LSAMP: variants seen among roughly 807,000 people sequenced by gnomAD.
The protein encoded by LSAMP is limbic system associated membrane protein, also known as limbic system-associated membrane protein.
Under a neutral mutation model 38.6 loss-of-function variants are expected in LSAMP, and 7 were observed. That is an observed-to-expected ratio of 0.18 (90% CI 0.10 to 0.34). The LOEUF (loss-of-function observed/expected upper bound fraction) is 0.34. Ranked by LOEUF, LSAMP falls within the 10% of genes least tolerant of loss-of-function variation. The probability of loss-of-function intolerance (pLI) is 1.00; values close to 1 mark genes in which losing one functional copy is unlikely to be tolerated. For missense variants in LSAMP, 313 were observed against 420.0 expected (o/e 0.75, Z 2.23); for synonymous variants, 154 against 166.8 (o/e 0.92, Z 0.59).
intron 1 of LSAMP, among the ~76,000 whole-genome samples, chr3:116,161,844 G>A (rs1387885897): frequency 1.3e-5 from 2 of 152,080 alleles, no homozygotes; most frequent in East Asian, 3.9e-4. Flanking sequence ...ATATTCATTG[G>A]ATCTGTGCTG....
chr3:116,427,328 G>T (rs1190365878), intron 1 of LSAMP, among the ~76,000 whole-genome samples: 1 of 151,332 alleles, frequency 6.6e-6, no homozygotes, highest in Non-Finnish European at 1.5e-5. Context: ...CACCTTGTTA[G>T]CCAGGATGGT....
intron 1 of LSAMP, among the ~76,000 whole-genome samples, chr3:116,145,780 A>C (rs1166171914): frequency 6.6e-6 from 1 of 151,878 alleles, no homozygotes; most frequent in Non-Finnish European, 1.5e-5. Context: ...GATTTGCTAC[A>C]TTTTATATGA....
intron 2 of LSAMP, among the ~76,000 whole-genome samples, chr3:116,042,431 C>CTTTTTTTT (rs1013336834): frequency 7.4e-6 from 1 of 134,886 alleles, no homozygotes; most frequent in African/African-American, 2.8e-5. Flanking sequence ...AAGAGCATTT[C>CTTTTTTTT]TTTTTTTTTT....
At chr3:116,057,916 G>A (rs1941517088) in intron 2 of LSAMP, among the ~76,000 whole-genome samples, 1 of 146,418 alleles carries the variant, frequency 6.8e-6, no homozygotes, top group African/African-American at 2.5e-5. Flanking sequence ...CTTGAAGTTT[G>A]GCACTATATA....
At chr3:116,173,051 A>T (rs1710242587) in intron 1 of LSAMP, among the ~76,000 whole-genome samples, 1 of 152,068 alleles carries the variant, frequency 6.6e-6, no homozygotes, top group Non-Finnish European at 1.5e-5. Flanking sequence ...AGATCGACTT[A>T]TTTCAACATA....
intron 1 of LSAMP, among the ~76,000 whole-genome samples, chr3:116,237,841 G>T (rs2046485570): frequency 6.6e-6 from 1 of 152,148 alleles, no homozygotes. Context: ...TTTTAGAATT[G>T]ATGAGGGAAT....
At chr3:115,941,050 T>C (rs1328104544) in intron 3 of LSAMP, among the ~76,000 whole-genome samples, 1 of 152,104 alleles carries the variant, frequency 6.6e-6, no homozygotes, top group Non-Finnish European at 1.5e-5. Flanking sequence ...GGGGTTAATA[T>C]TCAAAATATA....
chr3:116,189,118 T>A (rs1299132548), intron 1 of LSAMP, among the ~76,000 whole-genome samples: 2 of 152,154 alleles, frequency 1.3e-5, no homozygotes, highest in Non-Finnish European at 2.9e-5. Context: ...TAGTTTCAGT[T>A]CATGGTAAGT....
chr3:116,074,882 T>C (rs566335724), intron 2 of LSAMP, among the ~76,000 whole-genome samples: 2 of 151,010 alleles, frequency 1.3e-5, no homozygotes, highest in African/African-American at 2.4e-5. Flanking sequence ...TCACTCTTGT[T>C]GCCCAGGCTG....
At chr3:115,972,364 T>C (rs983273887) in intron 3 of LSAMP, among the ~76,000 whole-genome samples, 1 of 152,054 alleles carries the variant, frequency 6.6e-6, no homozygotes, top group Non-Finnish European at 1.5e-5. Flanking sequence ...CTAAAAAGCA[T>C]GGATTTTACC....
At chr3:116,192,414 C>T (rs1173196732) in intron 1 of LSAMP, among the ~76,000 whole-genome samples, 1 of 152,184 alleles carries the variant, frequency 6.6e-6, no homozygotes, top group Non-Finnish European at 1.5e-5. Context: ...CCCAGCCATC[C>T]TCACCAATAT....
intron 1 of LSAMP, among the ~76,000 whole-genome samples, chr3:116,196,881 T>C (rs1431722996): frequency 6.6e-6 from 1 of 152,160 alleles, no homozygotes; most frequent in Admixed American, 6.5e-5. Flanking sequence ...TCCCACTCCT[T>C]TATGCCTGCT....
intron 1 of LSAMP, among the ~76,000 whole-genome samples, chr3:116,405,981 T>C (rs2048892787): frequency 6.6e-6 from 1 of 152,130 alleles, no homozygotes; most frequent in Admixed American, 6.6e-5. Context: ...AGCAAGAATT[T>C]TATAAAATTT....
intron 3 of LSAMP, among the ~76,000 whole-genome samples, chr3:115,926,360 G>A (rs1293942792): frequency 3.3e-5 from 5 of 152,224 alleles, no homozygotes; most frequent in African/African-American, 4.8e-5. Flanking sequence ...TGTAGTCTTA[G>A]AGAACATAAG....
chr3:115,810,221 A>ATCTCTCTCTCTCTCTCTC lies in LSAMP; in HGVS notation c.*78_*95dup. ...AGTTGTGAAATAAACGGTCTCCCCCATCTCTCTCTCTCTCTCTCTCTCTGT... is the reference window on the plus strand; with the variant it reads ...AGTTGTGAAATAAACGGTCTCCCCCATCTCTCTCTCTCTCTCTCTCTCTCTCTCTCTCTCTCTCTCTGT... On this transcript the variant is annotated 3_prime_UTR_variant, in exon 7 of 7. Transcript: ENST00000490035. 1 of 648,418 alleles carries ATCTCTCTCTCTCTCTCTC rather than the reference A, an allele frequency of 1.5e-6. No individual in the cohort carries two copies. The highest frequency in any genetic ancestry group is 1.9e-5 in the African/African-American group (1 of 52,248). The allele number at this position is 648,418 out of a possible 1,614,324, so 40.2% of individuals were successfully genotyped here. A position where few individuals can be genotyped will look rare whatever the true frequency, so the allele number is the denominator to read the frequency against.
rs983694732 is a variant in LSAMP at position 116,376,685 on chromosome 3, T to C, written c.155+68192A>G. 2.0e-5 allele frequency among the ~76,000 whole-genome samples: 3 copies of C among 152,090 alleles called. 1 individual carries two copies. The highest frequency in any genetic ancestry group is 7.2e-5 in the African/African-American group (3 of 41,452). ...CTCCAGATTAGGTATTTTTTACTGA[T>C]GCCAGAAGAGAACTTAAAAGAAGCT... On this transcript the variant is annotated intron_variant, in intron 1 of 6. Coordinates refer to ENST00000490035, the MANE Select transcript of LSAMP (RefSeq NM_002338.5).
chr3:116,155,127 T>C (rs992659750), intron 1 of LSAMP, among the ~76,000 whole-genome samples: 4 of 152,152 alleles, frequency 2.6e-5, no homozygotes, highest in Admixed American at 6.6e-5. Context: ...AGCATTATGC[T>C]AGTTATAATC....
chr3:116,174,847 C>T (rs1325980375), intron 1 of LSAMP, among the ~76,000 whole-genome samples: 2 of 152,094 alleles, frequency 1.3e-5, no homozygotes, highest in Non-Finnish European at 2.9e-5. Context: ...TTAGCCTATC[C>T]ACCACTCTCT....
chr3:116,283,138 A>G (rs2047148426), intron 1 of LSAMP, among the ~76,000 whole-genome samples: 1 of 152,044 alleles, frequency 6.6e-6, no homozygotes, highest in African/African-American at 2.4e-5. Flanking sequence ...CTCCCTCCCC[A>G]AAGTCCCAAT....
Sources: gnomAD v4.1 joint callset for allele counts (sites outside exome capture counted in the v4.1 genomes callset) on GRCh38, gnomAD v4.1.1 for gene constraint, MANE v1.5 for transcripts, NCBI Gene and HGNC (gene_info 2026-07-23, HGNC 2026-07-21) for gene names.